The following TRPC5OS variants were observed in gnomAD, a reference collection of about 807,000 sequenced individuals.
TRPC5OS encodes the protein TRPC5 opposite strand, also known as putative uncharacterized protein TRPC5OS.
For missense variants in TRPC5OS, 64 were observed against 79.3 expected, an observed-to-expected ratio of 0.81 and a Z score of 0.73; for synonymous variants, 30 against 29.3, an observed-to-expected ratio of 1.02 and a Z score of -0.08.
intron 1 of TRPC5OS, among the ~76,000 whole-genome samples, chrX:111,889,266 A>C (rs1166524700): frequency 9.0e-6 from 1 of 111,346 alleles, no homozygotes; most frequent in African/African-American, 3.3e-5. Context: ...TTAGCAATGC[A>C]GAAGTCATTG....
chrX:111,876,981 G>A (rs1246125172), intron 1 of TRPC5OS, among the ~76,000 whole-genome samples: 1 of 111,627 alleles, frequency 9.0e-6, no homozygotes, highest in African/African-American at 3.3e-5. Flanking sequence ...TGTTCTCGGA[G>A]TTCATTCTGT....
chrX:111,883,697 C>G (rs1444464904), intron 1 of TRPC5OS, among the ~76,000 whole-genome samples: 1 of 111,713 alleles, frequency 9.0e-6, no homozygotes, highest in South Asian at 3.7e-4. Flanking sequence ...AATGCCTAAA[C>G]TTAGGTTAGG....
chrX:111,889,461 C>T (rs1431333097), intron 1 of TRPC5OS, among the ~76,000 whole-genome samples: 1 of 112,339 alleles, frequency 8.9e-6, no homozygotes, highest in Non-Finnish European at 1.9e-5. Context: ...TGTAAGAAAT[C>T]CTATAAGGAA....
chrX:111,895,373 A>C (rs905448222), intron 1 of TRPC5OS, among the ~76,000 whole-genome samples: 1 of 112,011 alleles, frequency 8.9e-6, no homozygotes, highest in African/African-American at 3.2e-5. Context: ...TTTAAAAATT[A>C]GATTGATTAT....
chrX:111,901,341 G>A (rs2036119308), intron 3 of TRPC5OS, among the ~76,000 whole-genome samples, 199 bp from the exon 4 acceptor site: 1 of 111,469 alleles, frequency 9.0e-6, no homozygotes, highest in Admixed American at 9.6e-5. Context: ...CTCTTAACAA[G>A]AGATAAAGAC....
chrX:111,902,018 G>A lies in TRPC5OS; in HGVS notation c.169G>A (p.Glu57Lys), dbSNP rs1358184229. The change falls in exon 4 of 4, where the codon GAG (glutamate) becomes AAG (lysine). Residue 57 changes from glutamate to lysine, a missense_variant. By Grantham distance (56) the Glu-to-Lys change is moderately conservative. Coordinates refer to ENST00000635763, the MANE Select transcript of TRPC5OS (RefSeq NM_001195578.2). ...GACTGAAGCAGATGCACCTCTTCCCGAGGAGCCTTCGCTACCTGATCTCCC... is the reference window on the plus strand; with the variant it reads ...GACTGAAGCAGATGCACCTCTTCCCAAGGAGCCTTCGCTACCTGATCTCCC... ...EETEADAPLPEEPSLPDLPDL... is the reference protein window; with the variant it reads ...EETEADAPLPKEPSLPDLPDL... 9 of 1,153,683 alleles carry A rather than the reference G, an allele frequency of 7.8e-6. No individual in the cohort carries two copies. The Admixed American group carries it at 1.6e-4, about 20-fold the overall frequency.
chrX:111,882,826 C>T (rs1924290386), intron 1 of TRPC5OS, among the ~76,000 whole-genome samples: 1 of 112,308 alleles, frequency 8.9e-6, no homozygotes, highest in Admixed American at 9.4e-5. Flanking sequence ...TGGCTCATGC[C>T]TGTAATCCCA....
intron 1 of TRPC5OS, among the ~76,000 whole-genome samples, chrX:111,885,559 A>T (rs1413465901): frequency 1.8e-5 from 2 of 109,774 alleles, no homozygotes; most frequent in African/African-American, 6.6e-5. Context: ...TTTTTTTTTA[A>T]AAAAAGAAAA....
intron 1 of TRPC5OS, among the ~76,000 whole-genome samples, chrX:111,885,409 G>A (rs967956104): frequency 9.0e-6 from 1 of 111,423 alleles, no homozygotes; most frequent in African/African-American, 3.3e-5. Context: ...CCTAATTAAA[G>A]GTTGGTCAAG....
chrX:111,898,299 A>G (rs1188033185), intron 3 of TRPC5OS, among the ~76,000 whole-genome samples: 1 of 104,940 alleles, frequency 9.5e-6, no homozygotes, highest in African/African-American at 3.4e-5. Context: ...GTGTGTGCGC[A>G]CACACACACA....
At chrX:111,883,665 G>A (rs768787840) in intron 1 of TRPC5OS, among the ~76,000 whole-genome samples, 4 of 111,506 alleles carry the variant, frequency 3.6e-5, no homozygotes, top group Non-Finnish European at 5.7e-5. Flanking sequence ...AGACCTCATC[G>A]GTGTATTGTT....
At chrX:111,882,389 C>T (rs1026901232) in intron 1 of TRPC5OS, among the ~76,000 whole-genome samples, 35 of 111,958 alleles carry the variant, frequency 3.1e-4, no homozygotes, top group African/African-American at 9.7e-4. Context: ...ACCCAGAGTA[C>T]GGCCTGAAAC....
chrX:111,890,107 T>G (rs1275559228), intron 1 of TRPC5OS, among the ~76,000 whole-genome samples: 3 of 111,725 alleles, frequency 2.7e-5, no homozygotes, highest in Admixed American at 9.5e-5. Flanking sequence ...TTTAAAATAT[T>G]GCATCTGTAC....
At chrX:111,878,232 T>G (rs1469939048) in intron 1 of TRPC5OS, among the ~76,000 whole-genome samples, 1 of 110,461 alleles carries the variant, frequency 9.1e-6, no homozygotes, top group Non-Finnish European at 1.9e-5. Flanking sequence ...ATAAATACAA[T>G]TATGTCAATT....
intron 3 of TRPC5OS, among the ~76,000 whole-genome samples, chrX:111,897,301 T>C (rs943141413): frequency 9.0e-6 from 1 of 111,658 alleles, no homozygotes; most frequent in African/African-American, 3.2e-5. Context: ...AATGTGACAA[T>C]TTATTAGAAA....
chrX:111,897,178 A>G, intron 3 of TRPC5OS, among the ~76,000 whole-genome samples: 1 of 111,745 alleles, frequency 8.9e-6, no homozygotes, highest in Middle Eastern at 4.6e-3. Flanking sequence ...AAATACTTCA[A>G]AATCTGAAAT....
At chrX:111,882,390 G>C (rs952693662) in intron 1 of TRPC5OS, among the ~76,000 whole-genome samples, 1 of 112,045 alleles carries the variant, frequency 8.9e-6, no homozygotes, top group Non-Finnish European at 1.9e-5. Context: ...CCCAGAGTAC[G>C]GCCTGAAACT....
At position 111,903,380 on chromosome X, in the gene TRPC5OS, A is replaced by G. The variant is rs1400390258; in HGVS notation, c.*1195A>G. The G allele has an allele frequency of 8.9e-6, 1 of 112,288 alleles. No homozygotes were observed. Among genetic ancestry groups the G allele is most frequent in the African/African-American group, 3.2e-5 (1 of 30,945 alleles). The allele number at this position is 112,288 out of a possible 1,213,427, so 9.3% of individuals were successfully genotyped here. ...GCAAATTAATAAATTGTCAACAGTT[A>G]TGCGACGGTTTATGATGGAAAGCCA... On this transcript the variant is annotated 3_prime_UTR_variant, in exon 4 of 4. Transcript: ENST00000635763.
intron 3 of TRPC5OS, among the ~76,000 whole-genome samples, chrX:111,897,890 C>A (rs1009116620): frequency 5.4e-5 from 6 of 110,802 alleles, no homozygotes; most frequent in Non-Finnish European, 1.1e-4. Flanking sequence ...TGGGTAAATA[C>A]CTATGAGTAG....
Sources: gnomAD v4.1 joint callset for allele counts (sites outside exome capture counted in the v4.1 genomes callset) on GRCh38, gnomAD v4.1.1 for gene constraint, MANE v1.5 for transcripts, NCBI Gene and HGNC (gene_info 2026-07-23, HGNC 2026-07-21) for gene names.